Variants in ARHGEF10L observed in about 807,000 individuals in gnomAD.
The protein encoded by ARHGEF10L is rho guanine nucleotide exchange factor 10-like protein.
ARHGEF10L carries 69 observed loss-of-function variants against 141.2 expected under a neutral mutation model. That is an observed-to-expected ratio of 0.49 (90% CI 0.40 to 0.60). The LOEUF (loss-of-function observed/expected upper bound fraction) is 0.60. Among genes scored for constraint, ARHGEF10L ranks in the 20% least tolerant of loss-of-function variants. ARHGEF10L has a pLI of 0.00. For synonymous variants in ARHGEF10L, 711 were observed against 718.5 expected (o/e 0.99, Z 0.17); for missense variants, 1,482 against 1,734.3 (o/e 0.85, Z 2.58).
intron 19 of ARHGEF10L, 56 bp downstream of exon 19, chr1:17,638,059 G>A: frequency 2.0e-6 from 3 of 1,486,810 alleles, no homozygotes; most frequent in Non-Finnish European, 2.7e-6. Flanking sequence ...GGCAGTGCCT[G>A]GATTCAGAAA....
At chr1:17,581,288 G>C (rs550411418) in intron 2 of ARHGEF10L, among the ~76,000 whole-genome samples, 1 of 141,820 alleles carries the variant, frequency 7.1e-6, no homozygotes, top group East Asian at 2.1e-4. Context: ...CTCCAGCCTG[G>C]GTGACAGAGC....
chr1:17,570,064 G>A (rs1032882980), intron 1 of ARHGEF10L, among the ~76,000 whole-genome samples: 2 of 152,144 alleles, frequency 1.3e-5, no homozygotes, highest in East Asian at 1.9e-4. Flanking sequence ...GAAGGGAGGG[G>A]CCCAGCTGTG....
At chr1:17,540,292 C>T (rs2076673014) in intron 1 of ARHGEF10L, among the ~76,000 whole-genome samples, 1 of 151,234 alleles carries the variant, frequency 6.6e-6, no homozygotes, top group African/African-American at 2.4e-5. Context: ...CCTCACTTTC[C>T]CCTGTGGTCC....
chr1:17,538,572 C>A (rs550779598), upstream of ARHGEF10L, among the ~76,000 whole-genome samples: 1 of 151,928 alleles, frequency 6.6e-6, no homozygotes, highest in Non-Finnish European at 1.5e-5. Flanking sequence ...GCACTGTAGC[C>A]GTTTGTTTAT....
chr1:17,521,786 C>T, the ARHGEF10L span, among the ~76,000 whole-genome samples: 1 of 152,062 alleles, frequency 6.6e-6, no homozygotes, highest in East Asian at 1.9e-4. Flanking sequence ...TTGGCTGCTA[C>T]CATAGGAGAA....
At position 17,695,210 on chromosome 1, in the gene ARHGEF10L, G is replaced by A; in HGVS notation, c.3237G>A (p.Trp1079Ter). The A allele has an allele frequency of 1.9e-6, 3 of 1,612,612 alleles. No homozygotes were observed. The highest frequency in any genetic ancestry group is 2.5e-6 in the Non-Finnish European group (3 of 1,179,750). ...TSLLICQGLL[W>*]VGTDQGVIVL... ...TCCTGATCTGCCAGGGTCTGCTCTG[G>A]GTGGGCACTGACCAGGGTGTCATCG... Residue 1079 changes from tryptophan to a stop codon, truncating the protein, a stop_gained, in exon 28 of 29, where the codon TGG (tryptophan) becomes TGA (stop). Transcript: ENST00000361221. LOFTEE classifies it high-confidence loss of function.
At chr1:17,576,606 C>T (rs2078235600) in intron 1 of ARHGEF10L, among the ~76,000 whole-genome samples, 1 of 152,178 alleles carries the variant, frequency 6.6e-6, no homozygotes, top group African/African-American at 2.4e-5. Context: ...AACCCCACCA[C>T]CCAAGCATAG....
intron 27 of ARHGEF10L, among the ~76,000 whole-genome samples, chr1:17,693,440 G>A (rs1265858622): frequency 2.6e-5 from 4 of 152,274 alleles, no homozygotes; most frequent in East Asian, 3.9e-4. Context: ...ACCCCGAGTC[G>A]GTAACCTGCC....
chr1:17,658,773 G>A (rs529825858), intron 25 of ARHGEF10L, among the ~76,000 whole-genome samples: 2 of 150,980 alleles, frequency 1.3e-5, no homozygotes, highest in South Asian at 4.2e-4. Flanking sequence ...CGAGGGCTCC[G>A]ACGGAAAGGA....
At chr1:17,517,195 C>T in the ARHGEF10L span, among the ~76,000 whole-genome samples, 4 of 152,188 alleles carry the variant, frequency 2.6e-5, no homozygotes, top group Admixed American at 1.3e-4. Flanking sequence ...TCAAAACATC[C>T]ATGTACTACA....
At chr1:17,568,613 C>A (rs2077861790) in intron 1 of ARHGEF10L, among the ~76,000 whole-genome samples, 1 of 152,162 alleles carries the variant, frequency 6.6e-6, no homozygotes, top group Admixed American at 6.5e-5. Flanking sequence ...GTGCTTGAAG[C>A]TCATTACACC....
intron 1 of ARHGEF10L, among the ~76,000 whole-genome samples, chr1:17,552,541 G>A (rs2077151017): frequency 6.9e-6 from 1 of 145,586 alleles, no homozygotes; most frequent in South Asian, 2.2e-4. Flanking sequence ...TGGGACTACA[G>A]GTGCATGCTA....
At chr1:17,536,043 C>A (rs550611545), upstream of ARHGEF10L, among the ~76,000 whole-genome samples, 6 of 152,294 alleles carry the variant, frequency 3.9e-5, no homozygotes, top group East Asian at 1.2e-3. Flanking sequence ...GGAAGGAGCT[C>A]CCTGAGAAGG....
At position 17,619,301 on chromosome 1, in the gene ARHGEF10L, C is replaced by A; in HGVS notation, c.836-38C>A. ...GAGGCCTGAGCAGGGTGTGCTGTCC[C>A]TGCCTTAGCTGTGTCATCGGCCCAT... On this transcript the variant is annotated intron_variant, in intron 9 of 28. Transcript: ENST00000361221. This position sits in a 1 kb window ranked among gnomAD's most constrained non-coding sequence, Gnocchi z 5.0. The A allele has an allele frequency of 6.3e-7, 1 of 1,591,434 alleles. No individual in the cohort carries two copies. Among genetic ancestry groups the A allele is most frequent in the East Asian group, 2.2e-5 (1 of 44,610 alleles).
intron 4 of ARHGEF10L, among the ~76,000 whole-genome samples, chr1:17,595,301 C>T (rs956682603): frequency 1.4e-5 from 2 of 139,272 alleles, no homozygotes; most frequent in Admixed American, 7.9e-5. Flanking sequence ...TGTTTTGCAA[C>T]AACCCACATG....
chr1:17,679,639 A>T (rs959717494), intron 26 of ARHGEF10L, among the ~76,000 whole-genome samples: 1 of 152,236 alleles, frequency 6.6e-6, no homozygotes, highest in Non-Finnish European at 1.5e-5. Context: ...AGATAAAGAC[A>T]GGGAAGGGAG....
chr1:17,583,202 T>TAAAA (rs59088704), intron 2 of ARHGEF10L, among the ~76,000 whole-genome samples: 1 of 111,766 alleles, frequency 8.9e-6, no homozygotes, highest in Non-Finnish European at 1.8e-5. Flanking sequence ...GAGCTTCATT[T>TAAAA]AAAAAAAAAA....
chr1:17,576,432 A>T (rs919277433), intron 1 of ARHGEF10L, among the ~76,000 whole-genome samples: 5 of 152,082 alleles, frequency 3.3e-5, no homozygotes, highest in Non-Finnish European at 5.9e-5. Context: ...CACACCCCAT[A>T]GCCGGGAGCT....
chr1:17,686,108 T>TTCTTTCTTTCTTTC (rs1400506757), intron 26 of ARHGEF10L, among the ~76,000 whole-genome samples: 2 of 150,456 alleles, frequency 1.3e-5, no homozygotes, highest in African/African-American at 4.9e-5. Context: ...CTTTCTTTCT[T>TTCTTTCTTTCTTTC]TTTTTTTTGC....
Sources: allele counts gnomAD v4.1 joint callset (sites outside exome capture counted in the v4.1 genomes callset), GRCh38; gene constraint gnomAD v4.1.1; non-coding constraint Gnocchi (gnomAD v3.1); transcripts MANE v1.5; gene names NCBI Gene and HGNC (gene_info 2026-07-23, HGNC 2026-07-21).